LRRC28: variants seen among roughly 807,000 people sequenced by gnomAD.
LRRC28 encodes leucine rich repeat containing 28.
A neutral mutation model predicts 45.7 loss-of-function variants in LRRC28; 39 were observed. That is an observed-to-expected ratio of 0.85 (90% CI 0.66 to 1.12). The LOEUF (loss-of-function observed/expected upper bound fraction) is 1.12. Ranked by LOEUF, LRRC28 falls within the 50% of genes most tolerant of loss-of-function variation. The pLI is 0.00. For missense variants in LRRC28, 435 were observed against 438.5 expected (o/e 0.99, Z 0.07); for synonymous variants, 206 against 178.8 (o/e 1.15, Z -1.22).
At chr15:99,352,047 A>T (rs1303576452) in intron 6 of LRRC28, among the ~76,000 whole-genome samples, 1 of 152,200 alleles carries the variant, frequency 6.6e-6, no homozygotes, top group African/African-American at 2.4e-5. Context: ...GGAGGAACCC[A>T]ATCAGATATC....
intron 5 of LRRC28, among the ~76,000 whole-genome samples, chr15:99,303,897 C>G (rs749094110): frequency 6.6e-6 from 1 of 151,750 alleles, no homozygotes; most frequent in Non-Finnish European, 1.5e-5. Flanking sequence ...TCAACAAAGA[C>G]AGAGCATTGT....
rs561817256 is a variant in LRRC28 at position 99,290,873 on chromosome 15, G to A, written c.385+2922G>A. ...TCCTAGCTGCTTGGGAGGCTGGGGC[G>A]GGAGAATCTCTTGAGCCCAGGATAT... is the stretch of plus-strand genomic sequence containing the variant. On this transcript the variant is annotated intron_variant, in intron 5 of 9. Transcript: ENST00000301981. Among the ~76,000 whole-genome samples, 9 of 152,132 alleles carry A rather than the reference G, an allele frequency of 5.9e-5. No individual in the cohort carries two copies. In the East Asian group the frequency reaches 7.7e-4, roughly 13 times the overall value.
chr15:99,270,720 A>G (rs969911226), intron 2 of LRRC28, among the ~76,000 whole-genome samples: 1 of 152,196 alleles, frequency 6.6e-6, no homozygotes, highest in Non-Finnish European at 1.5e-5. Context: ...AGCTATTGTG[A>G]ATAGTGCTGC....
chr15:99,374,724 G>A (rs1479115398), intron 9 of LRRC28, among the ~76,000 whole-genome samples: 2 of 151,754 alleles, frequency 1.3e-5, no homozygotes, highest in African/African-American at 2.4e-5. Flanking sequence ...GCCCAGGCTG[G>A]AGTGCAGTGG....
At chr15:99,335,311 A>C (rs1413486396) in intron 6 of LRRC28, among the ~76,000 whole-genome samples, 1 of 152,212 alleles carries the variant, frequency 6.6e-6, no homozygotes, top group Non-Finnish European at 1.5e-5. Context: ...AAGTCACCAG[A>C]ACCTCTCTGA....
In LRRC28 at chr15:99,386,225, T is replaced by C; in HGVS notation, c.*123T>C. The C allele has an allele frequency of 1.3e-6, 1 of 761,602 alleles. No homozygotes were observed. Among genetic ancestry groups the C allele is most frequent in the Non-Finnish European group, 2.2e-6 (1 of 447,216 alleles). The allele number at this position is 761,602 out of a possible 1,614,324, so 47.2% of individuals were successfully genotyped here. A position where few individuals can be genotyped will look rare whatever the true frequency, so the allele number is the denominator to read the frequency against. ...ACTGCAGAACTCTCTAGAAATGTCA[T>C]GATTGAGCTTCAGAGCTAAAATGCC... On this transcript the variant is annotated 3_prime_UTR_variant, in exon 10 of 10. Transcript: ENST00000301981.
At chr15:99,346,481 G>A (rs186342868) in intron 6 of LRRC28, among the ~76,000 whole-genome samples, 6 of 152,276 alleles carry the variant, frequency 3.9e-5, no homozygotes, top group East Asian at 1.9e-4. Context: ...AGAGTAATCC[G>A]TGGTAAACAA....
intron 6 of LRRC28, among the ~76,000 whole-genome samples, chr15:99,346,853 G>A (rs1349435989): frequency 6.6e-6 from 1 of 151,916 alleles, no homozygotes; most frequent in African/African-American, 2.4e-5. Context: ...CATGACCTCT[G>A]TTCAGTGTTA....
intron 7 of LRRC28, among the ~76,000 whole-genome samples, chr15:99,353,166 G>A (rs12591362): frequency 0.086 from 13,078 of 152,054 alleles, 876 homozygotes; most frequent in East Asian, 0.35. Context: ...TTAAGATGGG[G>A]CCACTCAACC....
chr15:99,305,289 T>C (rs1955141834), intron 5 of LRRC28, among the ~76,000 whole-genome samples: 1 of 152,238 alleles, frequency 6.6e-6, no homozygotes, highest in African/African-American at 2.4e-5. Flanking sequence ...AACAGCTTTT[T>C]AATATAGTCA....
intron 3 of LRRC28, among the ~76,000 whole-genome samples, chr15:99,283,768 C>G (rs2081880113): frequency 6.6e-6 from 1 of 152,050 alleles, no homozygotes; most frequent in South Asian, 2.1e-4. Context: ...AAGTGACATT[C>G]CCCACCAACA....
In LRRC28 at chr15:99,269,785, A is replaced by G. The variant is rs373886643; in HGVS notation, c.169-6791A>G. 2.0e-5 allele frequency among the ~76,000 whole-genome samples: 3 copies of G among 152,364 alleles called. No individual in the cohort carries two copies. The South Asian group carries it at 6.2e-4, about 32-fold the overall frequency. On this transcript the variant is annotated intron_variant, in intron 2 of 9. Transcript: ENST00000301981. ...CACATTTTAAGTGCTTCATAGCCAC[A>G]TGTGGCTAGTGTCTGCCATATTGGA... is the stretch of plus-strand genomic sequence containing the variant.
chr15:99,308,910 G>A (rs942730075), intron 5 of LRRC28, among the ~76,000 whole-genome samples: 12 of 152,182 alleles, frequency 7.9e-5, no homozygotes, highest in African/African-American at 1.9e-4. Context: ...AACTGCAGAC[G>A]AATAAAGGAA....
At chr15:99,361,182 G>T in intron 7 of LRRC28, 154 bp from the exon 8 acceptor site, 1 of 917,656 alleles carries the variant, frequency 1.1e-6, no homozygotes, top group East Asian at 2.8e-5. Context: ...TTTTATGAAG[G>T]AACCCGGGAT....
At chr15:99,304,838 C>G (rs1955122691) in intron 5 of LRRC28, among the ~76,000 whole-genome samples, 1 of 152,114 alleles carries the variant, frequency 6.6e-6, no homozygotes, top group African/African-American at 2.4e-5. Context: ...ATGGGGATCA[C>G]GACCCTATTC....
chr15:99,264,556 C>T (rs2081284819), intron 2 of LRRC28, among the ~76,000 whole-genome samples: 1 of 152,146 alleles, frequency 6.6e-6, no homozygotes. Context: ...GGGAGCAGCT[C>T]TTCTTTTGTT....
Position 99,388,417 on chromosome 15 carries a change from A to G in LRRC28, c.*2315A>G, listed in dbSNP as rs895955825. ...ATTCTTTCTCTACCTATTATGAACTACGGTGTGTTAAACAACAGCAGTGGG... is the reference window on the plus strand; with the variant it reads ...ATTCTTTCTCTACCTATTATGAACTGCGGTGTGTTAAACAACAGCAGTGGG... On this transcript the variant is annotated 3_prime_UTR_variant, in exon 10 of 10. Transcript: ENST00000301981. The G allele has an allele frequency of 1.3e-5, 2 of 152,218 alleles. No homozygotes were observed. The highest frequency in any genetic ancestry group is 1.5e-5 in the Non-Finnish European group (1 of 68,036). 9.4% of individuals were successfully genotyped at this position (152,218 alleles called of 1,614,324 possible).
chr15:99,335,169 A>T (rs1051558907), intron 6 of LRRC28, among the ~76,000 whole-genome samples: 5 of 152,174 alleles, frequency 3.3e-5, no homozygotes, highest in Admixed American at 2.6e-4. Context: ...AAATAGAATT[A>T]AAAAAATAAA....
chr15:99,306,210 C>T (rs959715126), intron 5 of LRRC28, among the ~76,000 whole-genome samples: 2 of 152,186 alleles, frequency 1.3e-5, no homozygotes, highest in Non-Finnish European at 2.9e-5. Context: ...ATTGCCCACT[C>T]GGTTTCCTAA....
Sources: gnomAD v4.1 joint callset for allele counts (sites outside exome capture counted in the v4.1 genomes callset) on GRCh38, gnomAD v4.1.1 for gene constraint, MANE v1.5 for transcripts, NCBI Gene and HGNC (gene_info 2026-07-23, HGNC 2026-07-21) for gene names.